EPB41: variants seen among roughly 807,000 people sequenced by gnomAD.
EPB41 encodes erythrocyte membrane protein band 4.1.
A neutral mutation model predicts 108.0 loss-of-function variants in EPB41; 65 were observed. That is an observed-to-expected ratio of 0.60 (90% CI 0.49 to 0.74). The LOEUF is 0.74. Ranked by LOEUF, EPB41 falls within the 30% of genes least tolerant of loss-of-function variation. EPB41 has a pLI of 0.00. For synonymous variants in EPB41, 336 were observed against 358.9 expected, an observed-to-expected ratio of 0.94 and a Z score of 0.72; for missense variants, 875 against 1,037.0, an observed-to-expected ratio of 0.84 and a Z score of 2.15.
At chr1:28,962,163 C>T (rs1484213581) in intron 1 of EPB41, among the ~76,000 whole-genome samples, 5 of 151,768 alleles carry the variant, frequency 3.3e-5, no homozygotes, top group Admixed American at 6.6e-5. Flanking sequence ...CAGGTTCAAG[C>T]GATTCTCCTG....
intron 1 of EPB41, among the ~76,000 whole-genome samples, chr1:28,941,721 C>A (rs1056929322): frequency 6.6e-6 from 1 of 151,898 alleles, no homozygotes; most frequent in Non-Finnish European, 1.5e-5. Context: ...CATGGAGAAA[C>A]CCCGTCTCTA....
intron 7 of EPB41, among the ~76,000 whole-genome samples, chr1:29,022,157 A>G (rs760838337): frequency 2.0e-5 from 3 of 152,164 alleles, no homozygotes; most frequent in Admixed American, 1.3e-4. Flanking sequence ...TTTTATACAC[A>G]TATTATATCA....
chr1:29,098,041 G>A lies in EPB41; in HGVS notation c.2313+106G>A, dbSNP rs1385178454. The A allele has an allele frequency of 4.0e-6, 6 of 1,515,150 alleles. 1 individual carries two copies. In the Admixed American group the frequency reaches 1.1e-4, roughly 28 times the overall value. The allele number at this position is 1,515,150 out of a possible 1,614,324, so 93.9% of individuals were successfully genotyped here. A position where few individuals can be genotyped will look rare whatever the true frequency, so the allele number is the denominator to read the frequency against. On this transcript the variant is annotated intron_variant, in intron 17 of 20. Coordinates refer to ENST00000343067, the MANE Select transcript of EPB41 (RefSeq NM_001376013.1). ...ATCGCCAAGAATACCAGGTTTTTCT[G>A]GGGCAGTTCTTTTTAGAAGAGATTA...
intron 1 of EPB41, among the ~76,000 whole-genome samples, chr1:28,901,052 C>G (rs926151423): frequency 6.6e-6 from 1 of 151,876 alleles, no homozygotes; most frequent in Non-Finnish European, 1.5e-5. Flanking sequence ...GCCTCAGCCT[C>G]CTGAGTAGCT....
At chr1:29,053,043 T>G in intron 11 of EPB41, 61 bp from the exon 12 acceptor site, 1 of 1,579,586 alleles carries the variant, frequency 6.3e-7, no homozygotes, top group Non-Finnish European at 8.7e-7. Flanking sequence ...GCCTGGTGAC[T>G]TTGAAATAAT....
intron 1 of EPB41, among the ~76,000 whole-genome samples, chr1:28,919,024 TAAA>T (rs200953261): frequency 0.024 from 3,603 of 152,250 alleles, 61 homozygotes; most frequent in Middle Eastern, 0.048. Flanking sequence ...CATAGAAAGA[TAAA>T]GAAGAATGCT....
intron 7 of EPB41, among the ~76,000 whole-genome samples, chr1:29,027,386 C>T (rs1048020201): frequency 2.7e-5 from 4 of 150,146 alleles, no homozygotes. Flanking sequence ...GGCTGGAGTG[C>T]AATGGCGCAA....
At chr1:28,939,732 C>T (rs1003381288) in intron 1 of EPB41, among the ~76,000 whole-genome samples, 1 of 152,184 alleles carries the variant, frequency 6.6e-6, no homozygotes, top group Non-Finnish European at 1.5e-5. Flanking sequence ...CGTGAGCCAT[C>T]GCACCTGGCC....
intron 17 of EPB41, 79 bp downstream of exon 17, chr1:29,098,014 T>G: frequency 6.3e-7 from 1 of 1,597,718 alleles, no homozygotes; most frequent in Non-Finnish European, 8.6e-7. Context: ...TTCTAGTCAT[T>G]TATCGCCAAG....
intron 1 of EPB41, among the ~76,000 whole-genome samples, chr1:28,945,637 T>C (rs1301118555): frequency 6.6e-6 from 1 of 152,226 alleles, no homozygotes; most frequent in African/African-American, 2.4e-5. Context: ...AATATTCTGT[T>C]TTAAAATTTT....
At chr1:29,066,876 C>T (rs905685872) in intron 16 of EPB41, among the ~76,000 whole-genome samples, 3 of 151,540 alleles carry the variant, frequency 2.0e-5, no homozygotes, top group Admixed American at 1.3e-4. Context: ...GGTTTCACTA[C>T]GTTGGTCAGG....
In EPB41 at chr1:29,106,564, A is replaced by ATTTTTTTTT. The variant is rs1187973613; in HGVS notation, c.2314-2753_2314-2745dup. Among the ~76,000 whole-genome samples the ATTTTTTTTT allele has an allele frequency of 6.0e-3, 306 of 50,880 alleles. 83 individuals are homozygous for ATTTTTTTTT. The highest frequency in any genetic ancestry group is 7.3e-3 in the Non-Finnish European group (222 of 30,494). 33.4% of individuals were successfully genotyped at this position (50,880 alleles called of 152,430 possible). On this transcript the variant is annotated intron_variant, in intron 17 of 20. Coordinates refer to ENST00000343067, the MANE Select transcript of EPB41 (RefSeq NM_001376013.1). ...CCTCTCAGCCTCCCGAGTAGCTGGG[A>ATTTTTTTTT]TTTTTTTTTTTTTTTTTTTTTTTTT...
At chr1:28,969,682 G>A (rs1250505461) in intron 1 of EPB41, among the ~76,000 whole-genome samples, 3 of 151,884 alleles carry the variant, frequency 2.0e-5, no homozygotes, top group Non-Finnish European at 2.9e-5. Context: ...GGCGGATCAC[G>A]AGGTCACAAG....
chr1:28,912,360 G>A (rs1236488902), upstream of EPB41, among the ~76,000 whole-genome samples: 3 of 152,088 alleles, frequency 2.0e-5, no homozygotes, highest in Admixed American at 6.6e-5. Flanking sequence ...TTGAGTGGAG[G>A]GTGTTTTAGA....
chr1:29,016,977 T>C (rs938494423), intron 6 of EPB41, among the ~76,000 whole-genome samples: 6 of 152,224 alleles, frequency 3.9e-5, no homozygotes, highest in African/African-American at 1.2e-4. Flanking sequence ...TTAAGTTCTA[T>C]ACAAAGTCAA....
At chr1:29,111,337 G>A (rs1462344281) in intron 18 of EPB41, among the ~76,000 whole-genome samples, 2 of 152,162 alleles carry the variant, frequency 1.3e-5, no homozygotes, top group East Asian at 1.9e-4. Context: ...ACAGAATTGT[G>A]ACTTTCTGTT....
At chr1:28,948,101 A>G (rs2094551852) in intron 1 of EPB41, among the ~76,000 whole-genome samples, 1 of 152,096 alleles carries the variant, frequency 6.6e-6, no homozygotes, top group African/African-American at 2.4e-5. Flanking sequence ...TATATCTCAA[A>G]TCATTTGGGG....
In EPB41 at chr1:28,897,542, C is replaced by A. The variant is rs549658792; in HGVS notation, c.-8+10332C>A. ...CCAGCCTGGGTGACAAAGTGAAACCCCTGTAGGTAGGTAGGTAGGAAGGTA... is the reference window on the plus strand; with the variant it reads ...CCAGCCTGGGTGACAAAGTGAAACCACTGTAGGTAGGTAGGTAGGAAGGTA... On this transcript the variant is annotated intron_variant, in intron 1 of 16. Coordinates refer to the EPB41 transcript ENST00000347529. 4.1e-5 allele frequency among the ~76,000 whole-genome samples: 6 copies of A among 147,854 alleles called. No individual in the cohort carries two copies. The South Asian group carries it at 1.3e-3, about 32-fold the overall frequency.
intron 4 of EPB41, among the ~76,000 whole-genome samples, chr1:29,009,134 T>TTAATC (rs1297995982): frequency 1.3e-5 from 2 of 149,570 alleles, no homozygotes; most frequent in Non-Finnish European, 2.9e-5. Flanking sequence ...GTGCTAGTTT[T>TTAATC]TAATCCTTCT....
Sources: allele counts gnomAD v4.1 joint callset (sites outside exome capture counted in the v4.1 genomes callset), GRCh38; gene constraint gnomAD v4.1.1; transcripts MANE v1.5; gene names NCBI Gene and HGNC (gene_info 2026-07-23, HGNC 2026-07-21).